The following ZNF846 variants were observed in gnomAD, a reference collection of about 807,000 sequenced individuals.
ZNF846 encodes the protein zinc finger protein 846, also known as zinc finger protein 420 pseudogene.
ZNF846 carries 15 observed loss-of-function variants against 16.0 expected under a neutral mutation model. The ratio of observed to expected loss-of-function variants is 0.94; its 90% CI spans 0.63 to 1.45. The LOEUF is 1.45. Ranked by LOEUF, ZNF846 falls within the 40% of genes most tolerant of loss-of-function variation. The probability of loss-of-function intolerance (pLI) is 0.00; values close to 1 mark genes in which losing one functional copy is unlikely to be tolerated. For missense variants in ZNF846, 714 were observed against 622.3 expected, an observed-to-expected ratio of 1.15 and a Z score of -1.57; for synonymous variants, 229 against 212.0, an observed-to-expected ratio of 1.08 and a Z score of -0.70.
intron 1 of ZNF846, chr19:9,774,763 A>C (rs1383395083): frequency 6.4e-7 from 1 of 1,569,482 alleles, no homozygotes; most frequent in Non-Finnish European, 8.7e-7. Flanking sequence ...GTCTGTCAGT[A>C]ATTAGTGCTG....
intron 1 of ZNF846, among the ~76,000 whole-genome samples, chr19:9,777,683 A>G (rs2045461324): frequency 6.6e-6 from 1 of 151,614 alleles, no homozygotes; most frequent in African/African-American, 2.4e-5. Flanking sequence ...AAAAAAATTT[A>G]AACAATTGGA....
downstream of ZNF846, among the ~76,000 whole-genome samples, chr19:9,752,607 T>C (rs2045094038): frequency 7.9e-6 from 1 of 126,930 alleles, no homozygotes; most frequent in Non-Finnish European, 1.6e-5. Context: ...AAAGTGAGAC[T>C]TCATCCCAAA....
rs1389338221 is a variant in ZNF846 at position 9,762,012 on chromosome 19, T to C, written c.229+70A>G. On this transcript the variant is annotated intron_variant, in intron 4 of 5. Transcript: ENST00000397902. ...CCCTGAGAAGTTCGCAAAGTAACAT[T>C]TCCAATGTACTGCATGTCTCCTAGG... The C allele has an allele frequency of 6.7e-6, 9 of 1,344,186 alleles. No individual in the cohort carries two copies. The Admixed American group carries it at 1.6e-4, about 23-fold the overall frequency. The allele number at this position is 1,344,186 out of a possible 1,614,324, so 83.3% of individuals were successfully genotyped here.
At chr19:9,770,802 G>A (rs1182078018), upstream of ZNF846, among the ~76,000 whole-genome samples, 1 of 152,032 alleles carries the variant, frequency 6.6e-6, no homozygotes, top group Non-Finnish European at 1.5e-5. Flanking sequence ...CTGGGAGGCG[G>A]AGGTTGCAGT....
downstream of ZNF846, among the ~76,000 whole-genome samples, chr19:9,748,905 A>C (rs1266274537): frequency 1.3e-5 from 2 of 152,120 alleles, no homozygotes. Flanking sequence ...CCAGCCTGCT[A>C]ATCTTCTCTT....
Position 9,762,250 on chromosome 19 carries a change from T to A in ZNF846, c.143-82A>T, listed in dbSNP as rs955372921. The A allele has an allele frequency of 3.9e-6, 4 of 1,027,070 alleles. No individual in the cohort carries two copies. The African/African-American group carries it at 4.8e-5, about 12-fold the overall frequency. 63.6% of individuals were successfully genotyped at this position (1,027,070 alleles called of 1,614,324 possible). On this transcript the variant is annotated intron_variant, in intron 3 of 5. Coordinates refer to ENST00000397902, the Ensembl canonical transcript of ZNF846. ...TCAATGGGGAACCAATACTTTTGCCTTCGGGGATTCTAAAGATGGTCAAGT... is the reference window on the plus strand; with the variant it reads ...TCAATGGGGAACCAATACTTTTGCCATCGGGGATTCTAAAGATGGTCAAGT...
At chr19:9,761,014 A>G (rs1336780140) in intron 4 of ZNF846, among the ~76,000 whole-genome samples, 18 of 151,636 alleles carry the variant, frequency 1.2e-4, no homozygotes, top group Admixed American at 1.2e-3. Flanking sequence ...CCTGGCCAAC[A>G]TGGTGAAACT....
At chr19:9,764,901 A>G in intron 2 of ZNF846, 35 bp downstream of exon 2, 1 of 1,613,592 alleles carries the variant, frequency 6.2e-7, no homozygotes, top group Non-Finnish European at 8.5e-7. Context: ...GGCTACAAGC[A>G]TAACATTTTG....
At position 9,785,052 on chromosome 19, in the gene ZNF846, CTCTT is replaced by C. The variant is rs555389720; in HGVS notation, c.-86+882_-86+885del. ...TTCCCCACAAGTAACAGTCTGATCT[CTCTT>C]TCTTTTCCCCCGCACATATACTGAC... On this transcript the variant is annotated intron_variant, in intron 1 of 4. Coordinates refer to the ZNF846 transcript ENST00000586814. Among the ~76,000 whole-genome samples the C allele has an allele frequency of 6.0e-3, 915 of 152,272 alleles. 4 individuals carry two copies. The highest frequency in any genetic ancestry group is 8.6e-3 in the Non-Finnish European group (587 of 68,018).
At chr19:9,766,935 C>T (rs1265582850) in intron 1 of ZNF846, among the ~76,000 whole-genome samples, 1 of 150,674 alleles carries the variant, frequency 6.6e-6, no homozygotes, top group Non-Finnish European at 1.5e-5. Context: ...TTCAGCAATG[C>T]ATGCACATCT....
downstream of ZNF846, chr19:9,755,397 ATC>A (rs1233681376): frequency 6.6e-6 from 1 of 151,546 alleles, no homozygotes; most frequent in East Asian, 1.9e-4. Flanking sequence ...CTCTAGTATG[ATC>A]TTGTGTACAG....
rs939656218 is a variant in ZNF846 at position 9,766,898 on chromosome 19, C to CAAAA, written c.-86+1387_-86+1390dup. On this transcript the variant is annotated intron_variant, in intron 1 of 5. Transcript: ENST00000397902. Reference sequence around the variant, plus strand: ...CTGGCAACAGAGCAAGACTCTGTCTCAAAAAAAAAAAAAAAAAAGTGTTCT... The same window carrying CAAAA: ...CTGGCAACAGAGCAAGACTCTGTCTCAAAAAAAAAAAAAAAAAAAAAAGTGTTCT... Among the ~76,000 whole-genome samples the CAAAA allele has an allele frequency of 5.8e-3, 540 of 92,746 alleles. 6 individuals are homozygous for CAAAA. Among genetic ancestry groups the CAAAA allele is most frequent in the African/African-American group, 0.019 (520 of 27,794 alleles). 60.8% of individuals were successfully genotyped at this position (92,746 alleles called of 152,430 possible).
At chr19:9,761,940 A>G (rs1194195498) in intron 4 of ZNF846, 142 bp downstream of exon 4, 2 of 622,864 alleles carry the variant, frequency 3.2e-6, no homozygotes, top group Admixed American at 2.7e-5. Flanking sequence ...AGTTGAAAGT[A>G]TCTAAGGAAA....
intron 1 of ZNF846, among the ~76,000 whole-genome samples, chr19:9,767,528 G>T (rs1377733229): frequency 6.6e-6 from 1 of 152,088 alleles, no homozygotes; most frequent in African/African-American, 2.4e-5. Context: ...TATATAATAG[G>T]TGTTCAATAT....
At chr19:9,768,428 G>A (rs1468422570) in exon 1 of ZNF846, 1 of 152,174 alleles carries the variant, frequency 6.6e-6, no homozygotes, top group East Asian at 1.9e-4. Context: ...GGTGGTTGGA[G>A]AAAAAAACAC....
chr19:9,775,193 A>ATATGTGTGTGTG (rs144403603), intron 1 of ZNF846, among the ~76,000 whole-genome samples: 1 of 149,420 alleles, frequency 6.7e-6, no homozygotes, highest in African/African-American at 2.5e-5. Context: ...GTGTATATAT[A>ATATGTGTGTGTG]TGTGTGTGTG....
exon 6 of ZNF846, chr19:9,758,453 A>G: frequency 6.2e-7 from 1 of 1,613,516 alleles, no homozygotes; most frequent in Non-Finnish European, 8.5e-7. Flanking sequence ...ATGACTGATT[A>G]AGAAAAGTTC....
chr19:9,774,894 G>A (rs778707931), intron 1 of ZNF846: 253 of 1,609,670 alleles, frequency 1.6e-4, no homozygotes, highest in Admixed American at 5.0e-4. Context: ...TCTAAGGACC[G>A]TAAAAAATTC....
chr19:9,758,039 A>G, exon 6 of ZNF846: 1 of 1,612,244 alleles, frequency 6.2e-7, no homozygotes, highest in Non-Finnish European at 8.5e-7. Context: ...AATGAATAAA[A>G]GCTTTTCCAC....
Sources: gnomAD v4.1 joint callset for allele counts (sites outside exome capture counted in the v4.1 genomes callset) on GRCh38, gnomAD v4.1.1 for gene constraint, MANE v1.5 for transcripts, NCBI Gene and HGNC (gene_info 2026-07-23, HGNC 2026-07-21) for gene names.